KAZN: variants seen among roughly 807,000 people sequenced by gnomAD.
KAZN encodes the protein kazrin, periplakin interacting protein.
In KAZN, 40 loss-of-function variants were observed where a neutral mutation model predicts 87.4. The ratio of observed to expected loss-of-function variants is 0.46; its 90% CI spans 0.36 to 0.60. The LOEUF (loss-of-function observed/expected upper bound fraction) is 0.60, where lower values mean the gene tolerates loss of function less well. KAZN is among the 20% of genes least tolerant of loss of function. The pLI, the probability that KAZN is intolerant of heterozygous loss-of-function variation, is 0.00. For missense variants in KAZN, 898 were observed against 1,073.9 expected (o/e 0.84, Z 2.29); for synonymous variants, 466 against 458.3 (o/e 1.02, Z -0.22).
At chr1:14,891,835 C>T (rs1524160) in intron 1 of KAZN, among the ~76,000 whole-genome samples, 134,552 of 152,156 alleles carry the variant, frequency 0.88, 59,581 homozygotes, top group East Asian at 0.93. Context: ...GCTATTTCTT[C>T]TAAAATGAAA....
At chr1:14,256,746 C>T (rs1235793921) in intron 2 of KAZN, among the ~76,000 whole-genome samples, 5 of 152,108 alleles carry the variant, frequency 3.3e-5, no homozygotes, top group Admixed American at 6.5e-5. Context: ...GAATTGTCAG[C>T]AGGATTAAAT....
At chr1:14,078,234 G>A (rs923656988) in intron 1 of KAZN, among the ~76,000 whole-genome samples, 1 of 152,110 alleles carries the variant, frequency 6.6e-6, no homozygotes, top group African/African-American at 2.4e-5. Flanking sequence ...CTTTCTTCCT[G>A]GCAGTTATTC....
upstream of KAZN, among the ~76,000 whole-genome samples, chr1:14,594,312 G>C (rs1676364316): frequency 6.6e-6 from 1 of 152,166 alleles, no homozygotes; most frequent in Non-Finnish European, 1.5e-5. Flanking sequence ...CTTGATTCTT[G>C]ATAGGAATTT....
At chr1:14,131,264 A>G (rs1644986770) in intron 1 of KAZN, among the ~76,000 whole-genome samples, 1 of 152,186 alleles carries the variant, frequency 6.6e-6, no homozygotes, top group Non-Finnish European at 1.5e-5. Context: ...GGGGATTACA[A>G]ATTTAACATG....
intron 2 of KAZN, among the ~76,000 whole-genome samples, chr1:14,320,378 C>CT (rs1213693452): frequency 6.6e-6 from 1 of 152,066 alleles, no homozygotes; most frequent in Non-Finnish European, 1.5e-5. Flanking sequence ...TCAAGGGATT[C>CT]TTATACACAA....
intron 1 of KAZN, among the ~76,000 whole-genome samples, chr1:14,851,226 A>C (rs148642939): frequency 6.0e-4 from 92 of 152,278 alleles, no homozygotes; most frequent in African/African-American, 2.2e-3. Context: ...GGGTCCCTGC[A>C]GTGTTACCTT....
At chr1:14,297,375 T>A (rs1440477561) in intron 2 of KAZN, among the ~76,000 whole-genome samples, 1 of 152,152 alleles carries the variant, frequency 6.6e-6, no homozygotes, top group African/African-American at 2.4e-5. Context: ...TTTTCGTTAG[T>A]CTCATTGGCC....
chr1:14,458,628 C>T (rs1667695027), intron 2 of KAZN, among the ~76,000 whole-genome samples: 1 of 152,176 alleles, frequency 6.6e-6, no homozygotes, highest in Non-Finnish European at 1.5e-5. Context: ...GGGACCTCCA[C>T]TTATGGCTCA....
intron 1 of KAZN, among the ~76,000 whole-genome samples, chr1:14,162,450 CTGTAT>C (rs1645728105): frequency 6.6e-6 from 1 of 152,104 alleles, no homozygotes; most frequent in Non-Finnish European, 1.5e-5. Context: ...CCCAATTTTA[CTGTAT>C]TGTTCTTTGA....
chr1:13,901,706 A>G (rs1475501446), intron 1 of KAZN, among the ~76,000 whole-genome samples: 5 of 152,256 alleles, frequency 3.3e-5, no homozygotes, highest in Admixed American at 2.6e-4. Flanking sequence ...TGCTACCGGC[A>G]TCAGCGATAC....
intron 2 of KAZN, among the ~76,000 whole-genome samples, chr1:14,357,949 G>A (rs1034012763): frequency 2.0e-5 from 3 of 152,118 alleles, no homozygotes; most frequent in Non-Finnish European, 4.4e-5. Flanking sequence ...AAATTAGTTA[G>A]GGAGAAGTCC....
chr1:14,946,806 C>A (rs1164938819), intron 1 of KAZN, among the ~76,000 whole-genome samples: 1 of 152,182 alleles, frequency 6.6e-6, no homozygotes, highest in African/African-American at 2.4e-5. Context: ...TAGTGTGTTT[C>A]CAGTTTGTTC....
chr1:13,932,117 C>G (rs1640541444), intron 1 of KAZN, among the ~76,000 whole-genome samples: 1 of 151,586 alleles, frequency 6.6e-6, no homozygotes, highest in Non-Finnish European at 1.5e-5. Context: ...CTCAGTCTCC[C>G]AAAGTGCTAG....
rs1646705433 is a variant in KAZN, at chr1:14,820,406, T to C, written c.227-140278T>C. On this transcript the variant is annotated intron_variant, in intron 1 of 14. Transcript: ENST00000376030. This position sits in a 1 kb window ranked among gnomAD's most constrained non-coding sequence, Gnocchi z 4.1. ...GGTATCATGAGAGCCCATCTCCATC[T>C]GCCAGCCTGGAAGCAGCCATGGCAA... 6.6e-6 allele frequency among the ~76,000 whole-genome samples: 1 copy of C among 152,250 alleles called. No homozygotes were observed.
chr1:14,467,464 A>T (rs1323142382), intron 2 of KAZN, among the ~76,000 whole-genome samples: 1 of 152,066 alleles, frequency 6.6e-6, no homozygotes, highest in Non-Finnish European at 1.5e-5. Flanking sequence ...AAAATGGCAG[A>T]TGTCAATTAT....
chr1:13,960,733 G>T (rs796906142), intron 1 of KAZN, among the ~76,000 whole-genome samples: 21 of 152,326 alleles, frequency 1.4e-4, no homozygotes, highest in African/African-American at 4.6e-4. Flanking sequence ...AGTTTCCAAA[G>T]GCGGACTGTC....
chr1:13,971,316 G>A lies in KAZN; in HGVS notation c.91+77560G>A, dbSNP rs140289578. 1.2e-4 allele frequency among the ~76,000 whole-genome samples: 19 copies of A among 152,214 alleles called. No homozygotes were observed. In the East Asian group the frequency reaches 3.3e-3, roughly 26 times the overall value. On this transcript the variant is annotated intron_variant, in intron 1 of 16. Coordinates refer to the KAZN transcript ENST00000636203. The stretch of plus-strand genomic sequence containing the variant: ...CTTCACCTTTACTAACATTATTTAC[G>A]CCATAGCAAGTCACAGGACTGAGTG...
intron 1 of KAZN, among the ~76,000 whole-genome samples, chr1:14,128,749 A>C (rs1644927827): frequency 6.6e-6 from 1 of 152,140 alleles, no homozygotes; most frequent in Non-Finnish European, 1.5e-5. Context: ...AGCCCATAAT[A>C]GGTGTCCTCA....
chr1:14,591,827 G>C (rs997404386), intron 2 of KAZN, among the ~76,000 whole-genome samples: 1 of 152,154 alleles, frequency 6.6e-6, no homozygotes, highest in African/African-American at 2.4e-5. Flanking sequence ...GTGTGCGTGT[G>C]TTTCATCAAC....
Sources: allele counts gnomAD v4.1 joint callset (sites outside exome capture counted in the v4.1 genomes callset), GRCh38; gene constraint gnomAD v4.1.1; non-coding constraint Gnocchi (gnomAD v3.1); transcripts MANE v1.5; gene names NCBI Gene and HGNC (gene_info 2026-07-23, HGNC 2026-07-21).